The following ULK4 variants were observed in gnomAD, a reference collection of about 807,000 sequenced individuals.
ULK4 encodes inactive serine/threonine-protein kinase ULK4.
A neutral mutation model predicts 160.6 loss-of-function variants in ULK4; 133 were observed. The observed-to-expected ratio is 0.83, with a 90% CI of 0.72 to 0.96. The LOEUF (loss-of-function observed/expected upper bound fraction) is 0.96. ULK4 is among the 40% of genes least tolerant of loss of function. The pLI, the probability that ULK4 is intolerant of heterozygous loss-of-function variation, is 0.00. For synonymous variants in ULK4, 534 were observed against 539.8 expected (o/e 0.99, Z 0.15); for missense variants, 1,580 against 1,499.5 (o/e 1.05, Z -0.89).
At chr3:41,686,292 C>A (rs992233897) in intron 27 of ULK4, among the ~76,000 whole-genome samples, 4 of 152,044 alleles carry the variant, frequency 2.6e-5, no homozygotes, top group Non-Finnish European at 1.5e-5. Context: ...TGTATATACA[C>A]AAATATAAAA....
At chr3:41,930,885 T>C (rs1699569576) in intron 5 of ULK4, among the ~76,000 whole-genome samples, 1 of 152,186 alleles carries the variant, frequency 6.6e-6, no homozygotes, top group South Asian at 2.1e-4. Flanking sequence ...TTTTGGACTG[T>C]TGGTGGGAAT....
Position 41,925,771 on chromosome 3 carries a change from A to G in ULK4, c.542-5953T>C, listed in dbSNP as rs182753414. On this transcript the variant is annotated intron_variant, in intron 5 of 36. Coordinates refer to ENST00000301831, the MANE Select transcript of ULK4 (RefSeq NM_017886.4). ...GAGTAGGCGGTTTTACCCTCACAGC[A>G]TAAACAAAGCCACATGGAAGAGCGA... Among the ~76,000 whole-genome samples the G allele has an allele frequency of 1.7e-3, 260 of 152,244 alleles. 6 individuals are homozygous for G. The highest frequency in any genetic ancestry group is 0.014 in the Middle Eastern group (4 of 294).
chr3:41,351,262 G>A lies in ULK4; in HGVS notation c.3678+46817C>T, dbSNP rs536180598. Among the ~76,000 whole-genome samples the A allele has an allele frequency of 3.3e-4, 51 of 152,294 alleles. 1 individual carries two copies. In the South Asian group the frequency reaches 0.01, roughly 31 times the overall value. ...CCTCAAAGGTAACTCACCACAGAGG[G>A]AAATATGACTTCTGTGGGATTGGTA... On this transcript the variant is annotated intron_variant, in intron 35 of 36. Coordinates refer to ENST00000301831, the MANE Select transcript of ULK4 (RefSeq NM_017886.4).
chr3:41,333,142 T>G, intron 35 of ULK4, among the ~76,000 whole-genome samples: 1 of 152,224 alleles, frequency 6.6e-6, no homozygotes, highest in Non-Finnish European at 1.5e-5. Context: ...GAAGATATCA[T>G]CTACAGGTAT....
intron 30 of ULK4, among the ~76,000 whole-genome samples, chr3:41,625,077 A>T (rs2033436918): frequency 6.6e-6 from 1 of 152,184 alleles, no homozygotes; most frequent in African/African-American, 2.4e-5. Flanking sequence ...AAACATTTAC[A>T]ATTCTCTAAG....
chr3:41,883,798 G>T, intron 17 of ULK4, 76 bp downstream of exon 17: 1 of 1,256,640 alleles, frequency 8.0e-7, no homozygotes, highest in Non-Finnish European at 1.2e-6. Flanking sequence ...GTCGGTGAAA[G>T]CTGCAGGTTC....
chr3:41,542,954 C>T (rs1180813175), intron 32 of ULK4, among the ~76,000 whole-genome samples: 1 of 152,034 alleles, frequency 6.6e-6, no homozygotes, highest in African/African-American at 2.4e-5. Context: ...GGACAGGAAT[C>T]AGGCTGAGAA....
At chr3:41,305,537 G>A (rs1326730551) in intron 35 of ULK4, among the ~76,000 whole-genome samples, 2 of 152,238 alleles carry the variant, frequency 1.3e-5, no homozygotes, top group African/African-American at 2.4e-5. Flanking sequence ...TGTTGCCCAG[G>A]CTGGAGTGCA....
chr3:41,696,876 T>C (rs2036522234), intron 27 of ULK4, among the ~76,000 whole-genome samples: 1 of 152,082 alleles, frequency 6.6e-6, no homozygotes. Context: ...AGAGAAAGAT[T>C]TGAAGATGCT....
chr3:41,776,352 C>G (rs1051432919), intron 21 of ULK4, among the ~76,000 whole-genome samples: 1 of 150,556 alleles, frequency 6.6e-6, no homozygotes, highest in African/African-American at 2.5e-5. Flanking sequence ...TTCCCTACAA[C>G]AAGATCACAA....
In ULK4 at chr3:41,388,661, G is replaced by A. The variant is rs1415287396; in HGVS notation, c.3678+9418C>T. 2.6e-5 allele frequency among the ~76,000 whole-genome samples: 4 copies of A among 151,992 alleles called. No individual in the cohort carries two copies. In the South Asian group the frequency reaches 6.2e-4, roughly 24 times the overall value. ...TTTCCCCATTTCTTGTTTTTGTCAG[G>A]TTTGTCAAAGATCAGATAGTTGTAG... On this transcript the variant is annotated intron_variant, in intron 35 of 36. Coordinates refer to ENST00000301831, the MANE Select transcript of ULK4 (RefSeq NM_017886.4).
chr3:41,801,721 C>T (rs900335030), intron 19 of ULK4, among the ~76,000 whole-genome samples: 1 of 151,850 alleles, frequency 6.6e-6, no homozygotes, highest in Non-Finnish European at 1.5e-5. Context: ...TAAGGTAGTA[C>T]ATGCCTATAC....
At chr3:41,877,679 C>T (rs566564863) in intron 17 of ULK4, among the ~76,000 whole-genome samples, 4 of 151,988 alleles carry the variant, frequency 2.6e-5, no homozygotes, top group African/African-American at 2.4e-5. Flanking sequence ...AAGGTAAAAA[C>T]GAATTTTAAA....
At chr3:41,796,951 G>A (rs2040317065) in intron 20 of ULK4, among the ~76,000 whole-genome samples, 1 of 152,138 alleles carries the variant, frequency 6.6e-6, no homozygotes, top group Non-Finnish European at 1.5e-5. Context: ...CAAGGACACA[G>A]AAGTCATCTT....
chr3:41,584,358 C>T (rs2125634687), intron 31 of ULK4, among the ~76,000 whole-genome samples: 1 of 152,230 alleles, frequency 6.6e-6, no homozygotes, highest in Admixed American at 6.5e-5. Context: ...GTGGTGTGCG[C>T]TCAGCTCTCT....
chr3:41,306,346 T>TG lies in ULK4; in HGVS notation c.3679-56773dup, dbSNP rs1317350847. Among the ~76,000 whole-genome samples the TG allele has an allele frequency of 6.1e-4, 71 of 115,556 alleles. 6 individuals carry two copies. The East Asian group carries it at 0.018, about 30-fold the overall frequency. The allele number at this position is 115,556 out of a possible 152,430, so 75.8% of individuals were successfully genotyped here. The stretch of plus-strand genomic sequence containing the variant: ...CCAGCCGCCCCATCCGGGAGGGAGG[T>TG]GGGGGGGTCAGCCCCCCGCCCAGCC... On this transcript the variant is annotated intron_variant, in intron 35 of 36. Transcript: ENST00000301831.
chr3:41,461,080 T>C (rs901128911), intron 33 of ULK4, among the ~76,000 whole-genome samples: 1 of 152,128 alleles, frequency 6.6e-6, no homozygotes, highest in Non-Finnish European at 1.5e-5. Context: ...CAGTTTTAAA[T>C]CATGGGGAAG....
chr3:41,479,562 G>C (rs1458062427), intron 32 of ULK4, among the ~76,000 whole-genome samples: 1 of 152,172 alleles, frequency 6.6e-6, no homozygotes, highest in African/African-American at 2.4e-5. Flanking sequence ...AATGGAGGAA[G>C]AAAGGCAAGA....
chr3:41,827,725 GA>G (rs2041413052), intron 18 of ULK4, among the ~76,000 whole-genome samples: 3 of 152,154 alleles, frequency 2.0e-5, no homozygotes, highest in African/African-American at 7.2e-5. Flanking sequence ...GAGGTACAAG[GA>G]GGAGCTGGTA....
Sources: allele counts gnomAD v4.1 joint callset (sites outside exome capture counted in the v4.1 genomes callset), GRCh38; gene constraint gnomAD v4.1.1; transcripts MANE v1.5; gene names NCBI Gene and HGNC (gene_info 2026-07-23, HGNC 2026-07-21).